The following THOC2 variants were observed in gnomAD, a reference collection of about 807,000 sequenced individuals.
The protein encoded by THOC2 is THO complex 2.
Under a neutral mutation model 128.4 loss-of-function variants are expected in THOC2, and 10 were observed. That is an observed-to-expected ratio of 0.08 (90% CI 0.05 to 0.13). The LOEUF (loss-of-function observed/expected upper bound fraction) is 0.13, where lower values mean the gene tolerates loss of function less well. Ranked by LOEUF, THOC2 falls within the 10% of genes least tolerant of loss-of-function variation. THOC2 has a pLI of 1.00. For missense variants in THOC2, 535 were observed against 1,155.7 expected, an observed-to-expected ratio of 0.46 and a Z score of 7.79; for synonymous variants, 393 against 396.9, an observed-to-expected ratio of 0.99 and a Z score of 0.12.
chrX:123,698,244 G>T (rs183700469), intron 4 of THOC2, among the ~76,000 whole-genome samples: 106 of 111,226 alleles, frequency 9.5e-4, no homozygotes, highest in African/African-American at 3.3e-3. Flanking sequence ...CGGATCATGA[G>T]GTCAGGAGTT....
intron 25 of THOC2, 136 bp downstream of exon 25, chrX:123,625,776 T>C: frequency 4.8e-6 from 3 of 630,597 alleles, no homozygotes; most frequent in Non-Finnish European, 5.0e-6. Context: ...TAGAAAGTAG[T>C]AGAGCTAGGA....
At chrX:123,605,179 T>G (rs1489870936) in intron 38 of THOC2, among the ~76,000 whole-genome samples, 1 of 111,691 alleles carries the variant, frequency 9.0e-6, no homozygotes, top group African/African-American at 3.3e-5. Flanking sequence ...GGGATGCTTT[T>G]CAGGATAATT....
chrX:123,655,730 A>C (rs1270362548), intron 12 of THOC2, among the ~76,000 whole-genome samples: 1 of 110,730 alleles, frequency 9.0e-6, no homozygotes, highest in African/African-American at 3.3e-5. Context: ...CTGCCTGCCT[A>C]ATTTCAGGTT....
At chrX:123,653,259 A>G (rs2048433547) in intron 12 of THOC2, among the ~76,000 whole-genome samples, 1 of 112,213 alleles carries the variant, frequency 8.9e-6, no homozygotes, top group Non-Finnish European at 1.9e-5. Context: ...TACACCATAT[A>G]CAACAATTAA....
chrX:123,675,931 T>G (rs954568168), intron 8 of THOC2, among the ~76,000 whole-genome samples: 2 of 111,962 alleles, frequency 1.8e-5, no homozygotes, highest in Non-Finnish European at 3.8e-5. Context: ...ATTAGAACAC[T>G]CCTCAAAGTT....
At chrX:123,655,092 A>C (rs2048517234) in intron 12 of THOC2, among the ~76,000 whole-genome samples, 1 of 111,851 alleles carries the variant, frequency 8.9e-6, no homozygotes, top group Non-Finnish European at 1.9e-5. Context: ...GAGGAAAAAA[A>C]CACAAGATTT....
intron 2 of THOC2, among the ~76,000 whole-genome samples, chrX:123,709,625 A>T (rs1324883132): frequency 9.0e-6 from 1 of 111,439 alleles, no homozygotes; most frequent in African/African-American, 3.3e-5. Flanking sequence ...ACTTCTAGAG[A>T]TTCTTAGTTT....
At chrX:123,663,985 A>G (rs2048951599) in intron 12 of THOC2, among the ~76,000 whole-genome samples, 1 of 111,872 alleles carries the variant, frequency 8.9e-6, no homozygotes, top group Non-Finnish European at 1.9e-5. Flanking sequence ...TCCATGGTAT[A>G]TATGTGCCAC....
intron 15 of THOC2, 42 bp downstream of exon 15, chrX:123,644,533 A>G: frequency 1.0e-6 from 1 of 962,244 alleles, no homozygotes; most frequent in Non-Finnish European, 1.4e-6. Flanking sequence ...TATTAGATTC[A>G]GATATAATTT....
chrX:123,730,455 G>A (rs189123385), intron 1 of THOC2, among the ~76,000 whole-genome samples: 1 of 112,340 alleles, frequency 8.9e-6, no homozygotes, highest in East Asian at 2.8e-4. Flanking sequence ...TGGGATTACA[G>A]GCGTGAGCCA....
chrX:123,710,111 G>C (rs2051120962), intron 2 of THOC2, among the ~76,000 whole-genome samples: 1 of 111,862 alleles, frequency 8.9e-6, no homozygotes, highest in Non-Finnish European at 1.9e-5. Flanking sequence ...TTTCCTGCTA[G>C]GACAACAAAC....
chrX:123,638,331 C>T (rs2047755291), intron 17 of THOC2, among the ~76,000 whole-genome samples: 1 of 112,139 alleles, frequency 8.9e-6, no homozygotes, highest in Middle Eastern at 4.2e-3. Context: ...TTCCATCTTT[C>T]AGCAATCAAG....
In THOC2 at chrX:123,611,532, G is replaced by A. The variant is rs756417694; in HGVS notation, c.4678-16C>T. On this transcript the variant is annotated splice_polypyrimidine_tract_variant and intron_variant, in intron 36 of 38. Coordinates refer to ENST00000245838, the MANE Select transcript of THOC2 (RefSeq NM_001081550.2). ...GCCTGGACTCCTATAAGAAATAGTA[G>A]AATTAGCTGGGGAAGGGAAAGCCAA... is the stretch of plus-strand genomic sequence containing the variant. The A allele has an allele frequency of 9.4e-7, 1 of 1,069,162 alleles. No homozygotes were observed. The allele number at this position is 1,069,162 out of a possible 1,213,427, so 88.1% of individuals were successfully genotyped here.
chrX:123,619,496 C>T, intron 32 of THOC2, 60 bp from the exon 33 acceptor site: 1 of 1,193,477 alleles, frequency 8.4e-7, no homozygotes, highest in South Asian at 1.8e-5. Context: ...CCCAGAGGAA[C>T]TTTGGGAAGT....
intron 12 of THOC2, 124 bp from the exon 13 acceptor site, chrX:123,645,499 A>G (rs1158236055): frequency 1.3e-5 from 5 of 392,450 alleles, no homozygotes; most frequent in Non-Finnish European, 2.1e-5. Flanking sequence ...CTTTTTACAA[A>G]TATGTAGATT....
intron 18 of THOC2, among the ~76,000 whole-genome samples, chrX:123,637,567 C>T (rs1204349242): frequency 9.0e-6 from 1 of 111,208 alleles, no homozygotes; most frequent in East Asian, 2.8e-4. Context: ...CAAGACCAGC[C>T]TGGCCAACAT....
intron 4 of THOC2, among the ~76,000 whole-genome samples, chrX:123,698,457 C>CAAAAA (rs763092017): frequency 2.8e-5 from 1 of 36,104 alleles, no homozygotes; most frequent in African/African-American, 9.6e-5. Context: ...GACTCTGTCT[C>CAAAAA]AAAAAAAAAA....
chrX:123,711,237 A>G lies in THOC2; in HGVS notation c.130+1613T>C, dbSNP rs184243081. On this transcript the variant is annotated intron_variant, in intron 2 of 38. Coordinates refer to ENST00000245838, the MANE Select transcript of THOC2 (RefSeq NM_001081550.2). ...GGTAGAGATGGAGTTTCACCATATTAGCCAGGCTGGTCTCGAACTCCAGAC... is the reference window on the plus strand; with the variant it reads ...GGTAGAGATGGAGTTTCACCATATTGGCCAGGCTGGTCTCGAACTCCAGAC... Among the ~76,000 whole-genome samples the G allele has an allele frequency of 4.1e-3, 403 of 97,793 alleles. 2 individuals carry two copies. Among genetic ancestry groups the G allele is most frequent in the African/African-American group, 0.015 (385 of 25,311 alleles). The allele number at this position is 97,793 out of a possible 115,157, so 84.9% of individuals were successfully genotyped here. A position where few individuals can be genotyped will look rare whatever the true frequency, so the allele number is the denominator to read the frequency against.
chrX:123,645,931 C>T (rs1322798637), intron 12 of THOC2, among the ~76,000 whole-genome samples: 3 of 103,035 alleles, frequency 2.9e-5, no homozygotes, highest in Non-Finnish European at 5.9e-5. Context: ...CATTGCACGC[C>T]AGCCTGGACA....
Sources: allele counts gnomAD v4.1 joint callset (sites outside exome capture counted in the v4.1 genomes callset), GRCh38; gene constraint gnomAD v4.1.1; transcripts MANE v1.5; gene names NCBI Gene and HGNC (gene_info 2026-07-23, HGNC 2026-07-21).